ANXA2: variants seen among roughly 807,000 people sequenced by gnomAD.
ANXA2 encodes annexin A2.
In ANXA2, 28 loss-of-function variants were observed where a neutral mutation model predicts 47.3. That is an observed-to-expected ratio of 0.59 (90% CI 0.44 to 0.81). ANXA2 has a LOEUF of 0.81. Among genes scored for constraint, ANXA2 ranks in the 40% least tolerant of loss-of-function variants. ANXA2 has a pLI of 0.00. For missense variants in ANXA2, 384 were observed against 414.3 expected (o/e 0.93, Z 0.64); for synonymous variants, 172 against 155.5 (o/e 1.11, Z -0.79).
At chr15:60,380,768 C>T (rs1355111646) in intron 3 of ANXA2, among the ~76,000 whole-genome samples, 1 of 135,200 alleles carries the variant, frequency 7.4e-6, no homozygotes, top group African/African-American at 2.9e-5. Context: ...GATGCCCTTG[C>T]ACTCCAGCCT....
At chr15:60,374,692 TAC>T (rs1308879584) in intron 3 of ANXA2, 4 of 455,998 alleles carry the variant, frequency 8.8e-6, no homozygotes, top group African/African-American at 2.0e-5. Flanking sequence ...CCTACATAGA[TAC>T]ATAGACAAAT....
rs2062504391 is a variant in ANXA2 at position 60,360,993 on chromosome 15, A to G, written c.305T>C (p.Leu102Pro). The G allele has an allele frequency of 1.2e-6, 2 of 1,614,076 alleles. No homozygotes were observed. The highest frequency in any genetic ancestry group is 1.7e-6 in the Non-Finnish European group (2 of 1,179,900). Residue 102 changes from leucine (L) to proline (P), a missense_variant, in exon 5 of 13, where the codon CTA becomes CCA. Physicochemically the swap from Leu to Pro is moderately conservative, Grantham distance 98. Coordinates refer to ENST00000451270, the MANE Select transcript of ANXA2 (RefSeq NM_004039.3). ...SGHLETVILG[L>P]LKTPAQYDAS... Reference sequence around the variant, plus strand: ...GTCATACTGAGCAGGTGTCTTCAATAGGCCCAAAATCACCGTCTCCAGGTG... The same window carrying G: ...GTCATACTGAGCAGGTGTCTTCAATGGGCCCAAAATCACCGTCTCCAGGTG...
At chr15:60,382,095 A>G (rs2062869375) in intron 3 of ANXA2, among the ~76,000 whole-genome samples, 1 of 151,126 alleles carries the variant, frequency 6.6e-6, no homozygotes, top group African/African-American at 2.4e-5. Flanking sequence ...AGCAGGAAGA[A>G]GGGAGAAAGA....
intron 3 of ANXA2, among the ~76,000 whole-genome samples, chr15:60,374,061 G>A (rs959453022): frequency 6.6e-6 from 1 of 152,176 alleles, no homozygotes; most frequent in Non-Finnish European, 1.5e-5. Context: ...GTCTCAACTC[G>A]GGGAAAGTGT....
At position 60,352,789 on chromosome 15, in the gene ANXA2, A is replaced by C. The variant is rs1463006726; in HGVS notation, c.589-313T>G. Among the ~76,000 whole-genome samples the C allele has an allele frequency of 6.6e-6, 1 of 152,222 alleles. No individual in the cohort carries two copies. Among genetic ancestry groups the C allele is most frequent in the African/African-American group, 2.4e-5 (1 of 41,462 alleles). On this transcript the variant is annotated intron_variant, in intron 8 of 12. Coordinates refer to ENST00000451270, the MANE Select transcript of ANXA2 (RefSeq NM_004039.3). This position sits in a 1 kb window ranked among gnomAD's most constrained non-coding sequence, Gnocchi z 4.2. ...TATAAAGAAGAACAAGTAAATGTTCATTAACACATCTGGCCCTCCTCCCTT... is the reference window on the plus strand; with the variant it reads ...TATAAAGAAGAACAAGTAAATGTTCCTTAACACATCTGGCCCTCCTCCCTT...
chr15:60,382,568 A>G (rs1043099006), intron 2 of ANXA2, 127 bp from the exon 3 acceptor site: 102 of 642,514 alleles, frequency 1.6e-4, no homozygotes, highest in Non-Finnish European at 1.6e-4. Context: ...CTAGGTAACT[A>G]GGTAGGTATT....
chr15:60,383,383 C>T (rs557306479), intron 2 of ANXA2: 17 of 152,378 alleles, frequency 1.1e-4, no homozygotes, highest in Middle Eastern at 3.2e-3. Context: ...CCCATCTTGG[C>T]CTCCCAAAGT....
chr15:60,386,303 C>G, intron 1 of ANXA2: 1 of 520,658 alleles, frequency 1.9e-6, no homozygotes, highest in South Asian at 2.5e-5. Flanking sequence ...ACTAGCCAGT[C>G]TTTCTCTTCC....
rs1027522180 is a variant in ANXA2, at chr15:60,366,248, A to G, written c.149-1725T>C. On this transcript the variant is annotated intron_variant, in intron 3 of 12. Coordinates refer to ENST00000451270, the MANE Select transcript of ANXA2 (RefSeq NM_004039.3). Reference sequence around the variant, plus strand: ...TGGCCTCCCAAAGAGCCCAGATTGCAGCCTCTGCCCGGCCGCCACCCCGTC... The same window carrying G: ...TGGCCTCCCAAAGAGCCCAGATTGCGGCCTCTGCCCGGCCGCCACCCCGTC... Among the ~76,000 whole-genome samples the G allele has an allele frequency of 3.7e-3, 555 of 151,258 alleles. 4 individuals are homozygous for G. The highest frequency in any genetic ancestry group is 0.013 in the African/African-American group (527 of 41,184).
intron 3 of ANXA2, among the ~76,000 whole-genome samples, chr15:60,367,152 C>T (rs1395716366): frequency 3.8e-5 from 3 of 79,548 alleles, no homozygotes; most frequent in African/African-American, 1.1e-4. Context: ...CCAGCCGCCC[C>T]GTCCGGGAGG....
chr15:60,397,854 T>C (rs2063102771), intron 1 of ANXA2, 89 bp downstream of exon 1: 3 of 1,387,702 alleles, frequency 2.2e-6, no homozygotes, highest in Admixed American at 3.0e-5. Flanking sequence ...TGCCGGGGCC[T>C]CCCTGCCAGG....
chr15:60,352,559 AG>A lies in ANXA2; in HGVS notation c.589-84del. On this transcript the variant is annotated intron_variant, in intron 8 of 12. Coordinates refer to ENST00000451270, the MANE Select transcript of ANXA2 (RefSeq NM_004039.3). This position sits in a 1 kb window ranked among gnomAD's most constrained non-coding sequence, Gnocchi z 4.2. ...AATGTCATGCAAAAAAAACAAAAAA[AG>A]CTACACATTCAAAATGCCAAACGAG... 1 of 965,658 alleles carries A rather than the reference AG, an allele frequency of 1.0e-6. No individual in the cohort carries two copies. The highest frequency in any genetic ancestry group is 1.6e-6 in the Non-Finnish European group (1 of 619,140). The allele number at this position is 965,658 out of a possible 1,614,324, so 59.8% of individuals were successfully genotyped here. A position where few individuals can be genotyped will look rare whatever the true frequency, so the allele number is the denominator to read the frequency against.
chr15:60,396,899 T>A (rs746611001), intron 1 of ANXA2, among the ~76,000 whole-genome samples: 2 of 152,254 alleles, frequency 1.3e-5, no homozygotes, highest in Non-Finnish European at 2.9e-5. Context: ...AACGGCAATC[T>A]TACTACAAAA....
At chr15:60,362,436 T>C (rs915359144) in intron 4 of ANXA2, among the ~76,000 whole-genome samples, 14 of 152,164 alleles carry the variant, frequency 9.2e-5, no homozygotes, top group African/African-American at 2.7e-4. Context: ...AAATCAAACA[T>C]AACCCTTCCC....
intron 4 of ANXA2, 102 bp downstream of exon 4, chr15:60,364,327 G>T: frequency 1.1e-6 from 1 of 879,350 alleles, no homozygotes; most frequent in Non-Finnish European, 1.8e-6. Context: ...GGTCCCACAA[G>T]TCTTTTGCGC....
chr15:60,374,527 C>G, intron 3 of ANXA2: 1 of 455,962 alleles, frequency 2.2e-6, no homozygotes, highest in Non-Finnish European at 4.4e-6. Context: ...CTGGGTGAAA[C>G]TGGTATTTGG....
At chr15:60,351,312 G>A (rs1896004161) in intron 10 of ANXA2, 61 bp from the exon 11 acceptor site, 1 of 1,552,668 alleles carries the variant, frequency 6.4e-7, no homozygotes, top group Middle Eastern at 1.7e-4. Context: ...CTACCAATGA[G>A]AGAGGATGCC....
intron 1 of ANXA2, among the ~76,000 whole-genome samples, chr15:60,394,076 C>G (rs1055753611): frequency 6.6e-6 from 1 of 152,142 alleles, no homozygotes; most frequent in East Asian, 1.9e-4. Flanking sequence ...TCAGGGCAGC[C>G]TCTTATCAAC....
At chr15:60,374,681 A>T (rs779630742) in intron 3 of ANXA2, 11 of 455,994 alleles carry the variant, frequency 2.4e-5, no homozygotes, top group African/African-American at 2.0e-4. Flanking sequence ...CAGGTCTGGC[A>T]CCTACATAGA....
Sources: gnomAD v4.1 joint callset for allele counts (sites outside exome capture counted in the v4.1 genomes callset) on GRCh38, gnomAD v4.1.1 for gene constraint, Gnocchi (gnomAD v3.1) non-coding constraint, MANE v1.5 for transcripts, NCBI Gene and HGNC (gene_info 2026-07-23, HGNC 2026-07-21) for gene names.